Variants in PADI1 observed in about 807,000 individuals in gnomAD.
PADI1 encodes the protein protein-arginine deiminase type-1.
In PADI1, 65 loss-of-function variants were observed where a neutral mutation model predicts 74.8. The ratio of observed to expected loss-of-function variants is 0.87; its 90% CI spans 0.71 to 1.07. The LOEUF is 1.07. PADI1 is among the 50% of genes least tolerant of loss of function. The pLI is 0.00. For missense variants in PADI1, 943 were observed against 854.0 expected (o/e 1.10, Z -1.30); for synonymous variants, 371 against 336.2 (o/e 1.10, Z -1.13).
intron 1 of PADI1, among the ~76,000 whole-genome samples, chr1:17,205,784 A>G (rs1323765572): frequency 6.6e-6 from 1 of 152,216 alleles, no homozygotes; most frequent in African/African-American, 2.4e-5. Context: ...GATTCCAATC[A>G]GGAGGGAGTG....
Position 17,228,734 on chromosome 1 carries a change from G to C in PADI1, c.762G>C (p.Leu254=), listed in dbSNP as rs1569813105. 3 of 1,614,222 alleles carry C rather than the reference G, an allele frequency of 1.9e-6. No homozygotes were observed. The highest frequency in any genetic ancestry group is 2.7e-5 in the African/African-American group (2 of 75,062). ...EQEIKFYVEG[L]TFPDADFLGL... is the part of the protein sequence containing the mutation. ...AGATCAAGTTCTATGTGGAGGGGCT[G>C]ACCTTCCCCGATGCCGATTTCCTAG... Residue 254 remains leucine (L), a synonymous_variant, in exon 7 of 16, where the codon CTG becomes CTC. Transcript: ENST00000375471.
Position 17,224,557 on chromosome 1 carries a change from G to A in PADI1, c.408+129G>A, listed in dbSNP as rs1014825596. On this transcript the variant is annotated intron_variant, in intron 4 of 15. Transcript: ENST00000375471. ...GGTCTGTAGTATCCAACCATGTAGGGAACCCATCTGGGACAGCAAAATTGG... is the reference window on the plus strand; with the variant it reads ...GGTCTGTAGTATCCAACCATGTAGGAAACCCATCTGGGACAGCAAAATTGG... 6.8e-6 allele frequency: 5 copies of A among 739,990 alleles called. No individual in the cohort carries two copies. The Admixed American group carries it at 1.1e-4, about 16-fold the overall frequency. The allele number at this position is 739,990 out of a possible 1,614,324, so 45.8% of individuals were successfully genotyped here. A position where few individuals can be genotyped will look rare whatever the true frequency, so the allele number is the denominator to read the frequency against.
At chr1:17,233,700 C>T (rs35408430) in intron 11 of PADI1, among the ~76,000 whole-genome samples, 56,544 of 152,034 alleles carry the variant, frequency 0.37, 10,866 homozygotes, top group African/African-American at 0.45. Context: ...GATCACCTTC[C>T]TGTTTGTGGG....
intron 1 of PADI1, among the ~76,000 whole-genome samples, chr1:17,207,948 A>G (rs542567813): frequency 2.0e-5 from 3 of 152,328 alleles, no homozygotes; most frequent in Admixed American, 2.0e-4. Flanking sequence ...AAAGAGGGGC[A>G]TGGAATTGTC....
At chr1:17,216,641 T>C (rs1188442128) in intron 1 of PADI1, among the ~76,000 whole-genome samples, 5 of 151,986 alleles carry the variant, frequency 3.3e-5, no homozygotes, top group Non-Finnish European at 7.4e-5. Context: ...GAGGCCGAGG[T>C]TGGCAGATCA....
At position 17,227,362 on chromosome 1, in the gene PADI1, A is replaced by G. The variant is rs2072346288; in HGVS notation, c.652+1204A>G. On this transcript the variant is annotated intron_variant, in intron 6 of 15. Coordinates refer to ENST00000375471, the MANE Select transcript of PADI1 (RefSeq NM_013358.3). ...CAGGAGTTTGAGACCAGCCTGGGCA[A>G]CATGGCAAAACCTTGTCTCTACAAA... Among the ~76,000 whole-genome samples, 4 of 151,868 alleles carry G rather than the reference A, an allele frequency of 2.6e-5. 1 individual carries two copies. In the South Asian group the frequency reaches 6.3e-4, roughly 24 times the overall value.
chr1:17,206,668 CT>C (rs1172069054), intron 1 of PADI1, among the ~76,000 whole-genome samples: 4 of 127,794 alleles, frequency 3.1e-5, no homozygotes, highest in South Asian at 5.0e-4. Context: ...AAGCTGAAGT[CT>C]TTTTTTTCTT....
intron 4 of PADI1, among the ~76,000 whole-genome samples, chr1:17,224,857 A>C (rs552627614): frequency 6.6e-6 from 1 of 152,120 alleles, no homozygotes; most frequent in African/African-American, 2.4e-5. Flanking sequence ...AGTAAGGAGG[A>C]GGACAGAGTG....
rs142106949 is a variant in PADI1, at chr1:17,227,906, T to C, written c.653-719T>C. ...AAATTCCCTATCTGGATATTTCATA[T>C]AAATGGAACCATACAATAGGCTTCT... On this transcript the variant is annotated intron_variant, in intron 6 of 15. Coordinates refer to ENST00000375471, the MANE Select transcript of PADI1 (RefSeq NM_013358.3). Among the ~76,000 whole-genome samples, 409 of 152,384 alleles carry C rather than the reference T, an allele frequency of 2.7e-3. 3 individuals are homozygous for C. Among genetic ancestry groups the C allele is most frequent in the African/African-American group, 9.3e-3 (388 of 41,600 alleles).
rs560024929 is a variant in PADI1 at position 17,245,437 on chromosome 1, G to T, written c.*1194G>T. ...CACTGAGACATGCACAGGCAGGCTG[G>T]TTCAGCTGGGCTGCAGGGCACGGGC... On this transcript the variant is annotated 3_prime_UTR_variant, in exon 16 of 16. Coordinates refer to ENST00000375471, the MANE Select transcript of PADI1 (RefSeq NM_013358.3). The surrounding 1 kb of genome is among the most constrained non-coding windows in gnomAD (Gnocchi z 4.1). 6.6e-6 allele frequency: 1 copy of T among 152,560 alleles called. No homozygotes were observed. Among genetic ancestry groups the T allele is most frequent in the Non-Finnish European group, 1.5e-5 (1 of 68,086 alleles). The allele number at this position is 152,560 out of a possible 1,614,324, so 9.5% of individuals were successfully genotyped here.
In PADI1 at chr1:17,222,212, A is replaced by G. The variant is rs2072173950; in HGVS notation, c.93-78A>G. On this transcript the variant is annotated intron_variant, in intron 1 of 15. Transcript: ENST00000375471. Reference sequence around the variant, plus strand: ...CCATTTGAACGGCCTGGCAGCCCCAAGCCCCCACCCCACTGTGGCCACTCC... The same window carrying G: ...CCATTTGAACGGCCTGGCAGCCCCAGGCCCCCACCCCACTGTGGCCACTCC... 5.5e-6 allele frequency: 6 copies of G among 1,083,556 alleles called. No individual in the cohort carries two copies. The Admixed American group carries it at 1.3e-4, about 23-fold the overall frequency. The allele number at this position is 1,083,556 out of a possible 1,614,324, so 67.1% of individuals were successfully genotyped here.
intron 11 of PADI1, among the ~76,000 whole-genome samples, chr1:17,234,219 T>A (rs923629958): frequency 1.3e-5 from 2 of 152,202 alleles, no homozygotes; most frequent in African/African-American, 4.8e-5. Flanking sequence ...CTTAAAAATA[T>A]TTATTGTATG....
chr1:17,207,188 C>T lies in PADI1; in HGVS notation c.92+1879C>T, dbSNP rs549049160. On this transcript the variant is annotated intron_variant, in intron 1 of 15. Coordinates refer to ENST00000375471, the MANE Select transcript of PADI1 (RefSeq NM_013358.3). ...AGGCCAGAAACATTTCACGGGGAGC[C>T]GGGAGACCTGGTCTTAGCTCTGCCA... Among the ~76,000 whole-genome samples, 5 of 152,258 alleles carry T rather than the reference C, an allele frequency of 3.3e-5. No homozygotes were observed. The East Asian group carries it at 5.8e-4, about 18-fold the overall frequency.
chr1:17,211,616 G>A (rs968752049), intron 1 of PADI1, among the ~76,000 whole-genome samples: 1 of 152,208 alleles, frequency 6.6e-6, no homozygotes, highest in Non-Finnish European at 1.5e-5. Flanking sequence ...TGCCAGAGCT[G>A]GGATTTGGAC....
At position 17,222,362 on chromosome 1, in the gene PADI1, C is replaced by T; in HGVS notation, c.165C>T (p.Asn55=). 1 of 1,614,046 alleles carries T rather than the reference C, an allele frequency of 6.2e-7. No homozygotes were observed. Among genetic ancestry groups the T allele is most frequent in the Middle Eastern group, 1.6e-4 (1 of 6,062 alleles). The change falls in exon 2 of 16, where the codon AAC becomes AAT. Residue 55 remains asparagine, a synonymous_variant. Coordinates refer to ENST00000375471, the MANE Select transcript of PADI1 (RefSeq NM_013358.3). ...SSGVEVFMVY[N]RTRVKEPIGK... ...GGGTGGAGGTCTTCATGGTCTACAA[C>T]CGCACACGTGTGAAAGAGCCCATAG...
intron 1 of PADI1, among the ~76,000 whole-genome samples, chr1:17,212,896 G>A (rs186148484): frequency 2.0e-5 from 3 of 152,240 alleles, no homozygotes; most frequent in East Asian, 1.9e-4. Flanking sequence ...GGGCCAGGGG[G>A]CTGTGGCTTT....
intron 11 of PADI1, among the ~76,000 whole-genome samples, chr1:17,235,734 C>G (rs2072626606): frequency 6.6e-6 from 1 of 152,112 alleles, no homozygotes; most frequent in African/African-American, 2.4e-5. Context: ...GGACTTTGCT[C>G]CCTTCTCTGT....
intron 15 of PADI1, among the ~76,000 whole-genome samples, chr1:17,242,631 C>A (rs1353888955): frequency 1.3e-5 from 2 of 152,180 alleles, no homozygotes; most frequent in African/African-American, 2.4e-5. Context: ...TGAAGGATCC[C>A]AGCTTGTCTT....
chr1:17,210,463 T>C (rs1291417250), intron 1 of PADI1, among the ~76,000 whole-genome samples: 1 of 152,094 alleles, frequency 6.6e-6, no homozygotes, highest in Non-Finnish European at 1.5e-5. Flanking sequence ...AGCCCCTGTT[T>C]ATCTCTTCTG....
Sources: gnomAD v4.1 joint callset for allele counts (sites outside exome capture counted in the v4.1 genomes callset) on GRCh38, gnomAD v4.1.1 for gene constraint, Gnocchi (gnomAD v3.1) non-coding constraint, MANE v1.5 for transcripts, NCBI Gene and HGNC (gene_info 2026-07-23, HGNC 2026-07-21) for gene names.